The following CNTN4 variants were observed in gnomAD, a reference collection of about 807,000 sequenced individuals.
CNTN4 encodes the protein contactin-4.
A neutral mutation model predicts 122.5 loss-of-function variants in CNTN4; 77 were observed. That is an observed-to-expected ratio of 0.63 (90% CI 0.52 to 0.76). The LOEUF (loss-of-function observed/expected upper bound fraction) is 0.76. CNTN4 is among the 30% of genes least tolerant of loss of function. The pLI, the probability that CNTN4 is intolerant of heterozygous loss-of-function variation, is 0.00. For synonymous variants in CNTN4, 512 were observed against 447.0 expected (o/e 1.15, Z -1.83); for missense variants, 1,256 against 1,259.1 (o/e 1.00, Z 0.04).
chr3:2,145,116 C>T (rs781380304), intron 2 of CNTN4, among the ~76,000 whole-genome samples: 97 of 152,178 alleles, frequency 6.4e-4, no homozygotes, highest in Non-Finnish European at 9.0e-4. Context: ...GAGTGGTTTT[C>T]AACTTCACAA....
chr3:2,777,854 C>G (rs1459283043), intron 6 of CNTN4, among the ~76,000 whole-genome samples: 2 of 152,062 alleles, frequency 1.3e-5, no homozygotes, highest in East Asian at 1.9e-4. Context: ...TTGACTTAAC[C>G]TATTACTATG....
At chr3:2,736,846 C>T (rs1390407243) in intron 5 of CNTN4, among the ~76,000 whole-genome samples, 7 of 147,582 alleles carry the variant, frequency 4.7e-5, no homozygotes, top group Admixed American at 2.0e-4. Context: ...GTGCAGTGTG[C>T]GACCACTGCT....
intron 2 of CNTN4, among the ~76,000 whole-genome samples, chr3:2,124,467 CACACA>C (rs2034006252): frequency 6.7e-6 from 1 of 148,554 alleles, no homozygotes; most frequent in Non-Finnish European, 1.5e-5. Flanking sequence ...CACACACACA[CACACA>C]CCCCCTTAAG....
At chr3:3,043,524 G>T (rs2125798766) in intron 22 of CNTN4, 68 bp from the exon 23 acceptor site, 1 of 1,200,612 alleles carries the variant, frequency 8.3e-7, no homozygotes, top group Non-Finnish European at 1.2e-6. Flanking sequence ...ATTCTAGTAA[G>T]GAGATATTCC....
chr3:2,221,517 AAAGAC>A (rs1196293822), intron 2 of CNTN4, among the ~76,000 whole-genome samples: 13 of 152,144 alleles, frequency 8.5e-5, no homozygotes, highest in Non-Finnish European at 1.6e-4. Flanking sequence ...ACAAAAAAAA[AAAGAC>A]AAGTGACAAA....
At chr3:2,383,780 C>T (rs1249163403) in intron 3 of CNTN4, among the ~76,000 whole-genome samples, 2 of 150,240 alleles carry the variant, frequency 1.3e-5, no homozygotes, top group Non-Finnish European at 1.5e-5. Context: ...TCTCCCTTCC[C>T]TCTCCCTTTC....
chr3:2,321,335 A>T (rs2043271170), intron 2 of CNTN4, among the ~76,000 whole-genome samples: 1 of 152,086 alleles, frequency 6.6e-6, no homozygotes, highest in Non-Finnish European at 1.5e-5. Flanking sequence ...ACCCCCATGA[A>T]AATTATTTTA....
intron 3 of CNTN4, among the ~76,000 whole-genome samples, chr3:2,446,374 A>G (rs1439130608): frequency 3.9e-5 from 6 of 152,128 alleles, no homozygotes; most frequent in Non-Finnish European, 7.4e-5. Flanking sequence ...AACAAATGTG[A>G]TGTTAATGAG....
intron 2 of CNTN4, among the ~76,000 whole-genome samples, chr3:2,203,495 G>A (rs1230633112): frequency 1.3e-5 from 2 of 152,034 alleles, no homozygotes; most frequent in African/African-American, 4.8e-5. Flanking sequence ...GGAAAAGAAA[G>A]CAAAGTAGAG....
At chr3:2,258,165 T>C (rs2040677249) in intron 2 of CNTN4, among the ~76,000 whole-genome samples, 1 of 152,190 alleles carries the variant, frequency 6.6e-6, no homozygotes, top group Non-Finnish European at 1.5e-5. Context: ...TTAGTTCAAC[T>C]ATTGCGGAAG....
At chr3:2,534,438 C>G (rs980204448) in intron 3 of CNTN4, among the ~76,000 whole-genome samples, 1 of 152,090 alleles carries the variant, frequency 6.6e-6, no homozygotes, top group Admixed American at 6.6e-5. Context: ...CTGTTCTATT[C>G]CATTAGTCTA....
chr3:3,031,202 A>C (rs1299113926), intron 16 of CNTN4, among the ~76,000 whole-genome samples: 1 of 152,216 alleles, frequency 6.6e-6, no homozygotes, highest in Non-Finnish European at 1.5e-5. Context: ...TTACACTAGA[A>C]GGATAATTGA....
rs191962981 is a variant in CNTN4 at position 2,885,746 on chromosome 3, G to A, written c.756-1294G>A. 4.9e-3 allele frequency among the ~76,000 whole-genome samples: 746 copies of A among 152,274 alleles called. 4 individuals are homozygous for A. Among genetic ancestry groups the A allele is most frequent in the Middle Eastern group, 0.014 (4 of 294 alleles). ...TAAGAATTCAGGCAGGGCTTGGCTG[G>A]CTGATTCTTTTGCTTTTAGTGGCAT... On this transcript the variant is annotated intron_variant, in intron 9 of 24. Coordinates refer to ENST00000418658, the MANE Select transcript of CNTN4 (RefSeq NM_175607.3).
chr3:2,573,681 C>T (rs1342999674), intron 4 of CNTN4, among the ~76,000 whole-genome samples: 3 of 152,128 alleles, frequency 2.0e-5, no homozygotes, highest in Non-Finnish European at 4.4e-5. Context: ...TGGGGGAATT[C>T]TCACCTAAGG....
intron 4 of CNTN4, among the ~76,000 whole-genome samples, chr3:2,618,164 C>G (rs954871462): frequency 6.6e-6 from 1 of 151,972 alleles, no homozygotes; most frequent in Non-Finnish European, 1.5e-5. Context: ...TAGAACCATC[C>G]TGGCACATAG....
chr3:2,948,353 T>C (rs1189480653), intron 13 of CNTN4, among the ~76,000 whole-genome samples: 1 of 152,106 alleles, frequency 6.6e-6, no homozygotes, highest in Non-Finnish European at 1.5e-5. Context: ...TGATGCAAAG[T>C]GGAACAAATA....
At chr3:2,411,043 T>C (rs1349070725) in intron 3 of CNTN4, among the ~76,000 whole-genome samples, 1 of 152,168 alleles carries the variant, frequency 6.6e-6, no homozygotes, top group Non-Finnish European at 1.5e-5. Context: ...AAAAAGATGG[T>C]GTTAATACAC....
At chr3:2,607,072 C>T (rs2081289104) in intron 4 of CNTN4, among the ~76,000 whole-genome samples, 2 of 152,194 alleles carry the variant, frequency 1.3e-5, no homozygotes, top group South Asian at 4.1e-4. Context: ...TACAGTGCTA[C>T]TTCTCTTGTT....
At chr3:2,145,439 G>A (rs1045191576) in intron 2 of CNTN4, among the ~76,000 whole-genome samples, 1 of 152,142 alleles carries the variant, frequency 6.6e-6, no homozygotes, top group African/African-American at 2.4e-5. Context: ...TGAGATTCAA[G>A]GCTTTGCTAG....
Sources: gnomAD v4.1 joint callset for allele counts (sites outside exome capture counted in the v4.1 genomes callset) on GRCh38, gnomAD v4.1.1 for gene constraint, MANE v1.5 for transcripts, NCBI Gene and HGNC (gene_info 2026-07-23, HGNC 2026-07-21) for gene names.